The following GABRG3 variants were observed in gnomAD, a reference collection of about 807,000 sequenced individuals.
GABRG3 encodes gamma-aminobutyric acid type A receptor subunit gamma3.
In GABRG3, 25 loss-of-function variants were observed where a neutral mutation model predicts 48.8. The observed-to-expected ratio is 0.51, with a 90% CI of 0.37 to 0.72. GABRG3 has a LOEUF of 0.72. Ranked by LOEUF, GABRG3 falls within the 30% of genes least tolerant of loss-of-function variation. GABRG3 has a pLI of 0.00. For missense variants in GABRG3, 394 were observed against 577.9 expected, an observed-to-expected ratio of 0.68 and a Z score of 3.26; for synonymous variants, 227 against 217.6, an observed-to-expected ratio of 1.04 and a Z score of -0.38.
intron 5 of GABRG3, among the ~76,000 whole-genome samples, chr15:27,337,271 A>G (rs1894007044): frequency 6.6e-6 from 1 of 152,186 alleles, no homozygotes; most frequent in Non-Finnish European, 1.5e-5. Flanking sequence ...TTGAAATACA[A>G]TGCAAGCCAC....
At chr15:27,146,719 G>A (rs991725336) in intron 3 of GABRG3, among the ~76,000 whole-genome samples, 14 of 152,058 alleles carry the variant, frequency 9.2e-5, no homozygotes, top group Admixed American at 7.9e-4. Context: ...TTGGTTATGC[G>A]AGCTAGCTTA....
intron 3 of GABRG3, among the ~76,000 whole-genome samples, chr15:27,043,613 C>G (rs10152389): frequency 0.013 from 2,042 of 152,326 alleles, 43 homozygotes; most frequent in African/African-American, 0.047. Context: ...GCCCCCTCCT[C>G]TGCTCAGCTC....
At chr15:27,049,274 T>G (rs1390172043) in intron 3 of GABRG3, among the ~76,000 whole-genome samples, 1 of 152,256 alleles carries the variant, frequency 6.6e-6, no homozygotes, top group Non-Finnish European at 1.5e-5. Context: ...TGCCTTCAGG[T>G]AGTTCATGCT....
chr15:27,267,681 CTGAT>C (rs1398523245), intron 3 of GABRG3, among the ~76,000 whole-genome samples: 4 of 152,108 alleles, frequency 2.6e-5, no homozygotes, highest in African/African-American at 9.7e-5. Flanking sequence ...TGCCATTTAT[CTGAT>C]TAAGGAAGTT....
chr15:27,188,284 A>T (rs1595573962), intron 3 of GABRG3, among the ~76,000 whole-genome samples: 1 of 152,166 alleles, frequency 6.6e-6, no homozygotes, highest in East Asian at 1.9e-4. Context: ...CTAGTTCTAG[A>T]TCCCTGAGGA....
At chr15:27,028,722 C>A (rs571787929) in intron 3 of GABRG3, among the ~76,000 whole-genome samples, 2 of 149,170 alleles carry the variant, frequency 1.3e-5, no homozygotes. Flanking sequence ...AGAAGAATCG[C>A]TTGAATCCAG....
chr15:27,331,322 A>C (rs1733094752), intron 5 of GABRG3, among the ~76,000 whole-genome samples: 1 of 152,354 alleles, frequency 6.6e-6, no homozygotes, highest in Non-Finnish European at 1.5e-5. Context: ...CATAATTGCC[A>C]AAATTTGGAA....
chr15:27,055,571 C>T lies in GABRG3; in HGVS notation c.270+28750C>T, dbSNP rs117434855. On this transcript the variant is annotated intron_variant, in intron 3 of 9. Coordinates refer to ENST00000615808, the MANE Select transcript of GABRG3 (RefSeq NM_033223.5). ...CAGTCAAACGCTGGCGCAGAACACACGGTGTTTTCAGCGTTCCCATAGGAA... is the reference window on the plus strand; with the variant it reads ...CAGTCAAACGCTGGCGCAGAACACATGGTGTTTTCAGCGTTCCCATAGGAA... Among the ~76,000 whole-genome samples the T allele has an allele frequency of 5.0e-4, 76 of 152,284 alleles. No individual in the cohort carries two copies. The East Asian group carries it at 0.015, about 29-fold the overall frequency.
At chr15:27,020,181 C>G (rs184156910) in intron 2 of GABRG3, among the ~76,000 whole-genome samples, 1 of 152,166 alleles carries the variant, frequency 6.6e-6, no homozygotes, top group African/African-American at 2.4e-5. Flanking sequence ...GCTGAGCCCC[C>G]CTGCAGTCAG....
At chr15:27,282,743 T>C (rs1891477392) in intron 3 of GABRG3, among the ~76,000 whole-genome samples, 1 of 152,202 alleles carries the variant, frequency 6.6e-6, no homozygotes, top group African/African-American at 2.4e-5. Context: ...ATTATGTTTT[T>C]CCATTCAAGT....
intron 3 of GABRG3, among the ~76,000 whole-genome samples, chr15:27,076,662 G>A (rs116246366): frequency 0.012 from 1,782 of 152,128 alleles, 28 homozygotes; most frequent in African/African-American, 0.041. Flanking sequence ...TTCCTGGGTG[G>A]GCCCTAATCC....
chr15:27,086,586 T>C (rs572479909), intron 3 of GABRG3, among the ~76,000 whole-genome samples: 41 of 152,294 alleles, frequency 2.7e-4, no homozygotes, highest in African/African-American at 9.4e-4. Context: ...GGAAAGGAAA[T>C]TGAACAAAAA....
At chr15:27,408,416 G>C (rs141192846) in intron 5 of GABRG3, among the ~76,000 whole-genome samples, 97 of 152,276 alleles carry the variant, frequency 6.4e-4, no homozygotes, top group Middle Eastern at 3.4e-3. Context: ...TTTGTTTGCT[G>C]AGCTACAACC....
Position 27,271,465 on chromosome 15 carries a change from G to A in GABRG3, c.271-55344G>A, listed in dbSNP as rs189336532. On this transcript the variant is annotated intron_variant, in intron 3 of 9. Coordinates refer to ENST00000615808, the MANE Select transcript of GABRG3 (RefSeq NM_033223.5). ...TGAATGAGGCCTAGACCACGCCCTC[G>A]GAGCTCAGGCCATGCCCTCAGAGCA... The A allele has an allele frequency of 1.4e-4, 64 of 441,918 alleles. 1 individual carries two copies. The East Asian group carries it at 3.8e-3, about 27-fold the overall frequency. 27.4% of individuals were successfully genotyped at this position (441,918 alleles called of 1,614,324 possible).
At chr15:27,320,240 C>G (rs997540356) in intron 3 of GABRG3, among the ~76,000 whole-genome samples, 3 of 152,206 alleles carry the variant, frequency 2.0e-5, no homozygotes, top group Admixed American at 2.0e-4. Context: ...TCTTTTTCTC[C>G]TCTGACATCC....
intron 3 of GABRG3, among the ~76,000 whole-genome samples, chr15:27,116,193 A>G (rs551118168): frequency 6.6e-6 from 1 of 152,260 alleles, no homozygotes; most frequent in South Asian, 2.1e-4. Context: ...GGCTAAACTG[A>G]CTTAGCAGGA....
chr15:27,494,357 T>A (rs949098556), intron 6 of GABRG3, among the ~76,000 whole-genome samples: 15 of 152,128 alleles, frequency 9.9e-5, no homozygotes, highest in African/African-American at 2.9e-4. Flanking sequence ...TCTGGCCTCA[T>A]AAAATGAAGA....
intron 5 of GABRG3, among the ~76,000 whole-genome samples, chr15:27,445,842 T>C (rs1888927933): frequency 6.6e-6 from 1 of 152,202 alleles, no homozygotes; most frequent in African/African-American, 2.4e-5. Flanking sequence ...AGTAGTCCAA[T>C]TTCATTCTTT....
At chr15:27,417,642 C>G (rs1302363671) in intron 5 of GABRG3, among the ~76,000 whole-genome samples, 3 of 152,212 alleles carry the variant, frequency 2.0e-5, no homozygotes, top group Non-Finnish European at 2.9e-5. Context: ...CCCTCAAATG[C>G]TCCTTCACTC....
Sources: gnomAD v4.1 joint callset for allele counts (sites outside exome capture counted in the v4.1 genomes callset) on GRCh38, gnomAD v4.1.1 for gene constraint, MANE v1.5 for transcripts, NCBI Gene and HGNC (gene_info 2026-07-23, HGNC 2026-07-21) for gene names.